The following INPP4B variants were observed in gnomAD, a reference collection of about 807,000 sequenced individuals.
The protein encoded by INPP4B is inositol polyphosphate-4-phosphatase type II B, also known as inositol polyphosphate 4-phosphatase type II.
INPP4B carries 55 observed loss-of-function variants against 122.5 expected under a neutral mutation model. The ratio of observed to expected loss-of-function variants is 0.45; its 90% confidence interval spans 0.36 to 0.56. The LOEUF is 0.56. Among genes scored for constraint, INPP4B ranks in the 20% least tolerant of loss-of-function variants. The pLI is 0.00. For missense variants in INPP4B, 1,000 were observed against 1,097.7 expected, an observed-to-expected ratio of 0.91 and a Z score of 1.26; for synonymous variants, 403 against 388.7, an observed-to-expected ratio of 1.04 and a Z score of -0.43.
chr4:142,248,245 C>A (rs575247916), intron 11 of INPP4B, among the ~76,000 whole-genome samples: 1 of 151,938 alleles, frequency 6.6e-6, no homozygotes, highest in African/African-American at 2.4e-5. Flanking sequence ...ATTTTTGAAG[C>A]CTTTTCCCCA....
chr4:142,631,560 G>T (rs72950761), intron 2 of INPP4B, among the ~76,000 whole-genome samples: 7,730 of 152,054 alleles, frequency 0.051, 656 homozygotes, highest in African/African-American at 0.17. Flanking sequence ...AAAATTTATT[G>T]AGGACATTAA....
At chr4:142,667,073 G>C (rs115440950) in intron 2 of INPP4B, among the ~76,000 whole-genome samples, 1,711 of 152,246 alleles carry the variant, frequency 0.011, 31 homozygotes, top group African/African-American at 0.031. Flanking sequence ...AGCCTAAATT[G>C]TGGGGCAATG....
chr4:142,806,096 G>A (rs897748576), intron 1 of INPP4B, among the ~76,000 whole-genome samples: 1 of 151,868 alleles, frequency 6.6e-6, no homozygotes, highest in African/African-American at 2.4e-5. Flanking sequence ...TGTCTAACAC[G>A]GTGAAACCCC....
At chr4:142,786,774 G>C (rs565499297) in intron 1 of INPP4B, among the ~76,000 whole-genome samples, 2 of 152,036 alleles carry the variant, frequency 1.3e-5, no homozygotes, top group Admixed American at 1.3e-4. Context: ...GTATAATCAA[G>C]AAAACACAAT....
At chr4:142,441,167 G>A (rs1811628743) in intron 3 of INPP4B, among the ~76,000 whole-genome samples, 1 of 152,154 alleles carries the variant, frequency 6.6e-6, no homozygotes, top group South Asian at 2.1e-4. Context: ...CCACTACAGT[G>A]TCAAAAAGTA....
chr4:142,117,347 A>C (rs1794108663), intron 21 of INPP4B, among the ~76,000 whole-genome samples: 1 of 152,164 alleles, frequency 6.6e-6, no homozygotes, highest in African/African-American at 2.4e-5. Flanking sequence ...AGCCTGGCAG[A>C]GACACAACAA....
chr4:142,770,693 A>G lies in INPP4B; in HGVS notation c.-253-44792T>C, dbSNP rs563843685. ...AAGCAATTCCATTAGAAAAAGAATG[A>G]AAGAGGAAAGAGTGATTACAGAATT... On this transcript the variant is annotated intron_variant, in intron 1 of 25. Transcript: ENST00000262992. Among the ~76,000 whole-genome samples the G allele has an allele frequency of 1.1e-4, 17 of 152,282 alleles. 1 individual carries two copies. The South Asian group carries it at 2.7e-3, about 24-fold the overall frequency.
At chr4:142,805,596 T>A (rs1342580055) in intron 1 of INPP4B, among the ~76,000 whole-genome samples, 1 of 152,134 alleles carries the variant, frequency 6.6e-6, no homozygotes, top group Non-Finnish European at 1.5e-5. Context: ...CTTTCCTTCC[T>A]CCTCCTCAGC....
intron 7 of INPP4B, among the ~76,000 whole-genome samples, chr4:142,346,469 A>G (rs1780352459): frequency 6.6e-6 from 1 of 152,050 alleles, no homozygotes; most frequent in South Asian, 2.1e-4. Context: ...AAAGTGACAT[A>G]TTGATAATGT....
At chr4:142,381,580 T>C (rs1794101443) in intron 7 of INPP4B, among the ~76,000 whole-genome samples, 1 of 152,090 alleles carries the variant, frequency 6.6e-6, no homozygotes, top group Admixed American at 6.6e-5. Context: ...TTACCATATA[T>C]GTCTTTTCTG....
chr4:142,326,453 C>T (rs1561856652), intron 7 of INPP4B, among the ~76,000 whole-genome samples: 1 of 152,180 alleles, frequency 6.6e-6, no homozygotes, highest in Non-Finnish European at 1.5e-5. Context: ...CCTGCTGACT[C>T]CCAAAGCCTC....
chr4:142,537,417 TATATATATATATAGAGAGAGAG>T (rs1296065319), intron 2 of INPP4B, among the ~76,000 whole-genome samples: 5 of 49,704 alleles, frequency 1.0e-4, no homozygotes, highest in African/African-American at 2.7e-4. Context: ...TATATATATA[TATATATATATATAGAGAGAGAG>T]AGAGAGAGAG....
At chr4:142,412,365 TC>T (rs945716577) in intron 5 of INPP4B, among the ~76,000 whole-genome samples, 4 of 152,266 alleles carry the variant, frequency 2.6e-5, no homozygotes, top group African/African-American at 9.6e-5. Context: ...TTCCTTCCCC[TC>T]AAGAATTTTA....
At chr4:142,641,550 G>A (rs1238685628) in intron 2 of INPP4B, among the ~76,000 whole-genome samples, 1 of 151,862 alleles carries the variant, frequency 6.6e-6, no homozygotes, top group Non-Finnish European at 1.5e-5. Flanking sequence ...ACAGTTTGCT[G>A]AGAATGATGG....
intron 15 of INPP4B, among the ~76,000 whole-genome samples, chr4:142,175,981 A>G (rs1827975955): frequency 6.6e-6 from 1 of 151,958 alleles, no homozygotes; most frequent in African/African-American, 2.4e-5. Flanking sequence ...CAGGTCTGCT[A>G]TTCTGTGTCC....
intron 2 of INPP4B, among the ~76,000 whole-genome samples, chr4:142,557,935 G>A (rs1332212732): frequency 1.3e-5 from 2 of 152,218 alleles, no homozygotes; most frequent in African/African-American, 2.4e-5. Flanking sequence ...GCCACAAAAC[G>A]AACTGTTCAA....
intron 2 of INPP4B, among the ~76,000 whole-genome samples, chr4:142,641,116 A>G (rs186421511): frequency 1.3e-5 from 2 of 152,294 alleles, no homozygotes; most frequent in East Asian, 1.9e-4. Flanking sequence ...CCCAAGAGAC[A>G]TGCACAAGAA....
chr4:142,516,875 T>C (rs1032838548), intron 2 of INPP4B, among the ~76,000 whole-genome samples: 26 of 152,066 alleles, frequency 1.7e-4, no homozygotes, highest in Non-Finnish European at 3.5e-4. Flanking sequence ...TACTTCTCCC[T>C]TCCTCTGCCC....
chr4:142,687,690 G>C lies in INPP4B; in HGVS notation c.-191+38149C>G, dbSNP rs190692110. On this transcript the variant is annotated intron_variant, in intron 2 of 25. Coordinates refer to ENST00000262992, the MANE Select transcript of INPP4B (RefSeq NM_001101669.3). ...GATAACAGTCAGAAAGAGCAAGTAA[G>C]TGGGAGGCATGGAATTACCAGGAAT... Among the ~76,000 whole-genome samples, 19 of 152,162 alleles carry C rather than the reference G, an allele frequency of 1.2e-4. No homozygotes were observed. The East Asian group carries it at 3.3e-3, about 26-fold the overall frequency.
Sources: allele counts gnomAD v4.1 joint callset (sites outside exome capture counted in the v4.1 genomes callset), GRCh38; gene constraint gnomAD v4.1.1; transcripts MANE v1.5; gene names NCBI Gene and HGNC (gene_info 2026-07-23, HGNC 2026-07-21).